The following EIPR1 variants were observed in gnomAD, a reference collection of about 807,000 sequenced individuals.
EIPR1 encodes the protein EARP complex and GARP complex interacting protein 1.
Under a neutral mutation model 48.1 loss-of-function variants are expected in EIPR1, and 25 were observed. The ratio of observed to expected loss-of-function variants is 0.52; its 90% CI spans 0.38 to 0.73. The LOEUF (loss-of-function observed/expected upper bound fraction) is 0.73, where lower values mean the gene tolerates loss of function less well. EIPR1 is among the 30% of genes least tolerant of loss of function. The probability of loss-of-function intolerance (pLI) is 0.00; values close to 1 mark genes in which losing one functional copy is unlikely to be tolerated. For synonymous variants in EIPR1, 204 were observed against 201.9 expected, an observed-to-expected ratio of 1.01 and a Z score of -0.09; for missense variants, 415 against 506.2, an observed-to-expected ratio of 0.82 and a Z score of 1.73.
chr2:3,320,648 G>C (rs1260409300), intron 3 of EIPR1: 1 of 152,236 alleles, frequency 6.6e-6, no homozygotes, highest in Non-Finnish European at 1.5e-5. Flanking sequence ...CTTGTTCCCT[G>C]AAATCACAAC....
intron 5 of EIPR1, among the ~76,000 whole-genome samples, chr2:3,198,979 G>A (rs1017350078): frequency 1.3e-5 from 2 of 148,966 alleles, no homozygotes; most frequent in Non-Finnish European, 3.0e-5. Context: ...AAGCCTGGGG[G>A]CACTGCAGGA....
intron 5 of EIPR1, among the ~76,000 whole-genome samples, chr2:3,205,271 G>A (rs76004059): frequency 1.3e-4 from 20 of 152,292 alleles, no homozygotes; most frequent in East Asian, 9.6e-4. Context: ...AACTGTTCTC[G>A]CCAATGACTA....
intron 3 of EIPR1, among the ~76,000 whole-genome samples, chr2:3,257,810 G>A (rs142478831): frequency 0.011 from 1,666 of 152,276 alleles, 32 homozygotes; most frequent in African/African-American, 0.038. Context: ...CACCACGCAC[G>A]CAGCTGGTGT....
rs202056103 is a variant in EIPR1 at position 3,196,864 on chromosome 2, C to T, written c.653+17G>A. 1.1e-4 allele frequency: 181 copies of T among 1,611,850 alleles called. No individual in the cohort carries two copies. The highest frequency in any genetic ancestry group is 4.0e-4 in the African/African-American group (30 of 74,926). On this transcript the variant is annotated intron_variant, in intron 6 of 8. Coordinates refer to ENST00000382125, the MANE Select transcript of EIPR1 (RefSeq NM_003310.5). ...GGAGGAAAGGAAGTGGGGCCTGCGC[C>T]GGGTGGGCTCACTGACCTCATGCTC...
intron 3 of EIPR1, among the ~76,000 whole-genome samples, chr2:3,296,486 C>CCT (rs1287476009): frequency 4.4e-5 from 6 of 135,648 alleles, no homozygotes; most frequent in Non-Finnish European, 7.9e-5. Flanking sequence ...TCCAACCCAT[C>CCT]CTCTCCACAC....
intron 3 of EIPR1, among the ~76,000 whole-genome samples, chr2:3,264,928 G>A (rs942096182): frequency 5.3e-5 from 8 of 152,116 alleles, no homozygotes; most frequent in Non-Finnish European, 1.2e-4. Flanking sequence ...CTTGTGATCC[G>A]CCCTCCTCAG....
At chr2:3,193,967 C>T in intron 7 of EIPR1, 32 bp downstream of exon 7, 3 of 1,610,650 alleles carry the variant, frequency 1.9e-6, no homozygotes, top group Non-Finnish European at 2.5e-6. Flanking sequence ...GCGTAATCCC[C>T]TCCTCCCTGA....
intron 5 of EIPR1, among the ~76,000 whole-genome samples, chr2:3,209,540 CCT>C (rs1426477656): frequency 6.6e-6 from 1 of 152,232 alleles, no homozygotes; most frequent in Non-Finnish European, 1.5e-5. Context: ...CGATCAGCCC[CCT>C]GAGGAGAAAG....
intron 3 of EIPR1, chr2:3,261,825 G>A (rs935245313): frequency 1.2e-4 from 19 of 152,360 alleles, no homozygotes; most frequent in African/African-American, 4.6e-4. Context: ...CCGGGCCTGT[G>A]ACCTGTGGAG....
chr2:3,278,980 AT>A (rs556203770), intron 3 of EIPR1, among the ~76,000 whole-genome samples: 6 of 152,110 alleles, frequency 3.9e-5, no homozygotes, highest in African/African-American at 1.4e-4. Flanking sequence ...ACATCGAACC[AT>A]TTTTTTATGC....
chr2:3,285,586 C>A (rs1668158359), intron 3 of EIPR1, among the ~76,000 whole-genome samples: 1 of 152,232 alleles, frequency 6.6e-6, no homozygotes. Context: ...AGGCAAAGCT[C>A]AGGAGGCACT....
chr2:3,372,791 T>C (rs972329123), intron 1 of EIPR1, among the ~76,000 whole-genome samples: 29 of 152,242 alleles, frequency 1.9e-4, no homozygotes, highest in Non-Finnish European at 3.5e-4. Context: ...AGCCGAATTC[T>C]ACCAGAGGTA....
At chr2:3,245,126 G>A (rs1254885324) in intron 4 of EIPR1, among the ~76,000 whole-genome samples, 1 of 152,064 alleles carries the variant, frequency 6.6e-6, no homozygotes, top group African/African-American at 2.4e-5. Context: ...TGGGGCAAGG[G>A]AGACTCTGAT....
intron 1 of EIPR1, among the ~76,000 whole-genome samples, chr2:3,355,141 G>A (rs36071029): frequency 6.6e-6 from 1 of 152,116 alleles, no homozygotes; most frequent in East Asian, 1.9e-4. Flanking sequence ...AGGAAGCCTA[G>A]GGGGGAAGCC....
intron 5 of EIPR1, among the ~76,000 whole-genome samples, chr2:3,204,172 C>T (rs978852334): frequency 1.3e-5 from 2 of 152,196 alleles, no homozygotes; most frequent in Admixed American, 6.5e-5. Context: ...CTGTGGCCCC[C>T]CTTACTGCAC....
rs753059670 is a variant in EIPR1 at position 3,338,062 on chromosome 2, C to T, written c.214G>A (p.Ala72Thr). ...HQAGEIWHIS[A>T]SPADRGVLTT... The stretch of plus-strand genomic sequence containing the variant: ...AGCACACCTCTGTCTGCAGGGCTAG[C>T]GCTAATATGCCAGATTTCACCCGCT... Residue 72 changes from alanine to threonine, a missense_variant, in exon 3 of 9, where the codon GCT (alanine) becomes ACT (threonine). Physicochemically the swap from Ala to Thr is moderately conservative, Grantham distance 58. Transcript: ENST00000382125. The T allele has an allele frequency of 1.1e-5, 18 of 1,612,930 alleles. No homozygotes were observed. Among genetic ancestry groups the T allele is most frequent in the Admixed American group, 3.4e-5 (2 of 59,638 alleles).
chr2:3,252,868 G>A (rs1010121003), intron 4 of EIPR1, among the ~76,000 whole-genome samples: 4 of 152,176 alleles, frequency 2.6e-5, no homozygotes, highest in Non-Finnish European at 5.9e-5. Context: ...AATATAGTAA[G>A]GGACACATTT....
chr2:3,359,907 C>T (rs999526811), intron 1 of EIPR1, among the ~76,000 whole-genome samples: 3 of 152,142 alleles, frequency 2.0e-5, no homozygotes, highest in Non-Finnish European at 4.4e-5. Context: ...AAACTGAGGA[C>T]GAGCAAGGTC....
At chr2:3,254,780 G>T (rs1355417439) in intron 4 of EIPR1, among the ~76,000 whole-genome samples, 1 of 152,242 alleles carries the variant, frequency 6.6e-6, no homozygotes, top group Non-Finnish European at 1.5e-5. Flanking sequence ...TCTGTGTCTT[G>T]ACTCTGGTGG....
Sources: gnomAD v4.1 joint callset for allele counts (sites outside exome capture counted in the v4.1 genomes callset) on GRCh38, gnomAD v4.1.1 for gene constraint, MANE v1.5 for transcripts, NCBI Gene and HGNC (gene_info 2026-07-23, HGNC 2026-07-21) for gene names.